The following NIPAL2 variants were observed in gnomAD, a reference collection of about 807,000 sequenced individuals.
NIPAL2 encodes the protein NIPA-like protein 2.
NIPAL2 carries 43 observed loss-of-function variants against 48.9 expected under a neutral mutation model. The observed-to-expected ratio is 0.88, with a 90% CI of 0.69 to 1.13. The LOEUF (loss-of-function observed/expected upper bound fraction) is 1.13, where lower values mean the gene tolerates loss of function less well. Ranked by LOEUF, NIPAL2 falls within the 50% of genes most tolerant of loss-of-function variation. NIPAL2 has a pLI of 0.00. For synonymous variants in NIPAL2, 167 were observed against 174.6 expected (o/e 0.96, Z 0.34); for missense variants, 446 against 461.4 (o/e 0.97, Z 0.31).
At chr8:98,244,090 T>C (rs1813138296) in intron 3 of NIPAL2, among the ~76,000 whole-genome samples, 1 of 151,884 alleles carries the variant, frequency 6.6e-6, no homozygotes, top group Admixed American at 6.5e-5. Flanking sequence ...TACTCAAATG[T>C]GATTATGGAT....
intron 4 of NIPAL2, 124 bp from the exon 5 acceptor site, chr8:98,222,724 C>T (rs933882436): frequency 6.7e-6 from 6 of 898,096 alleles, no homozygotes; most frequent in African/African-American, 3.4e-5. Context: ...TATTATACTC[C>T]GTTTCATCAA....
intron 4 of NIPAL2, among the ~76,000 whole-genome samples, chr8:98,233,340 A>ATGTG (rs59700892): frequency 0.082 from 12,309 of 149,752 alleles, 606 homozygotes; most frequent in Middle Eastern, 0.12. Context: ...TGTTTTCTTG[A>ATGTG]TGTGTGTGTG....
At position 98,222,560 on chromosome 8, in the gene NIPAL2, G is replaced by A; in HGVS notation, c.477C>T (p.Asn159=). 1 of 1,613,972 alleles carries A rather than the reference G, an allele frequency of 6.2e-7. No homozygotes were observed. The highest frequency in any genetic ancestry group is 8.5e-7 in the Non-Finnish European group (1 of 1,179,872). The change falls in exon 5 of 11, where the codon AAC becomes AAT. Residue 159 remains asparagine (N), a synonymous_variant. Transcript: ENST00000430223. The part of the protein sequence containing the change: ...LAFAGTYLLV[N]FAPNITQAIS... The stretch of plus-strand genomic sequence containing the variant: ...TTGCCTGAGTTATATTTGGAGCAAA[G>A]TTCACCAGTAAATATGTTCCTGCAA...
intron 5 of NIPAL2, chr8:98,217,132 G>T: frequency 1.0e-6 from 1 of 985,454 alleles, no homozygotes; most frequent in Non-Finnish European, 1.2e-6. Flanking sequence ...GGCTGTTTTA[G>T]TGAGTGCACT....
intron 5 of NIPAL2, 58 bp downstream of exon 5, chr8:98,222,421 T>C (rs1375088744): frequency 1.9e-6 from 3 of 1,546,404 alleles, no homozygotes; most frequent in South Asian, 2.4e-5. Context: ...AATATCTGCA[T>C]GGACCAGTGG....
At chr8:98,241,152 A>G (rs1443677035) in intron 3 of NIPAL2, among the ~76,000 whole-genome samples, 1 of 152,228 alleles carries the variant, frequency 6.6e-6, no homozygotes, top group Non-Finnish European at 1.5e-5. Context: ...TATAACTGAA[A>G]ACACCAAGAT....
At chr8:98,245,524 T>C (rs1319953516) in intron 3 of NIPAL2, among the ~76,000 whole-genome samples, 1 of 152,218 alleles carries the variant, frequency 6.6e-6, no homozygotes, top group Admixed American at 6.5e-5. Context: ...CAGAGACAAT[T>C]TGCATAATTT....
intron 3 of NIPAL2, among the ~76,000 whole-genome samples, chr8:98,243,900 T>C (rs181322400): frequency 6.6e-6 from 1 of 152,314 alleles, no homozygotes; most frequent in East Asian, 1.9e-4. Context: ...AAAATAATAA[T>C]TTTTTATTAA....
chr8:98,283,570 G>GTT (rs1373798408), intron 1 of NIPAL2, among the ~76,000 whole-genome samples: 1 of 152,130 alleles, frequency 6.6e-6, no homozygotes, highest in African/African-American at 2.4e-5. Context: ...TATTATAATA[G>GTT]TTTTAACAAC....
intron 1 of NIPAL2, among the ~76,000 whole-genome samples, chr8:98,268,113 T>G (rs1814885558): frequency 6.6e-6 from 1 of 152,214 alleles, no homozygotes; most frequent in South Asian, 2.1e-4. Context: ...TGGGCAGAGA[T>G]AATTGAATAC....
At position 98,270,020 on chromosome 8, in the gene NIPAL2, TC is replaced by T. The variant is rs544777831; in HGVS notation, c.136-15934del. 8.3e-4 allele frequency among the ~76,000 whole-genome samples: 127 copies of T among 152,258 alleles called. 1 individual carries two copies. In the South Asian group the frequency reaches 0.017, roughly 20 times the overall value. On this transcript the variant is annotated intron_variant, in intron 1 of 10. Coordinates refer to ENST00000430223, the MANE Select transcript of NIPAL2 (RefSeq NM_001321635.2). ...TCTGCTGCAAAGGACATGATTTCATTCTTTTTTTATGGCTGCATAATATTCT... is the reference window on the plus strand; with the variant it reads ...TCTGCTGCAAAGGACATGATTTCATTTTTTTTTATGGCTGCATAATATTCT...
chr8:98,260,426 G>C (rs974717225), intron 1 of NIPAL2, among the ~76,000 whole-genome samples: 1 of 152,194 alleles, frequency 6.6e-6, no homozygotes, highest in Non-Finnish European at 1.5e-5. Flanking sequence ...TGCGCGCACC[G>C]TGTGCGAGCC....
intron 1 of NIPAL2, among the ~76,000 whole-genome samples, chr8:98,278,082 C>T (rs1283205505): frequency 1.3e-5 from 2 of 152,160 alleles, no homozygotes; most frequent in African/African-American, 4.8e-5. Context: ...TAATTTTACT[C>T]AGCACTTTGA....
chr8:98,257,177 C>G (rs886128217), intron 1 of NIPAL2, among the ~76,000 whole-genome samples: 11 of 152,080 alleles, frequency 7.2e-5, no homozygotes, highest in African/African-American at 2.7e-4. Context: ...AATTAGGGCA[C>G]AGCTGACCAG....
At chr8:98,229,349 A>G (rs1323586095) in intron 4 of NIPAL2, among the ~76,000 whole-genome samples, 1 of 152,194 alleles carries the variant, frequency 6.6e-6, no homozygotes, top group Non-Finnish European at 1.5e-5. Flanking sequence ...TTATACTGGG[A>G]GAGCATATGC....
chr8:98,247,301 G>C (rs140038331), intron 3 of NIPAL2, among the ~76,000 whole-genome samples: 1 of 152,104 alleles, frequency 6.6e-6, no homozygotes, highest in South Asian at 2.1e-4. Context: ...TGATTTCCCC[G>C]TGCTGTGCTC....
At chr8:98,288,162 G>A (rs1193071242) in intron 1 of NIPAL2, among the ~76,000 whole-genome samples, 2 of 151,338 alleles carry the variant, frequency 1.3e-5, no homozygotes. Context: ...CTAGCATTAG[G>A]TATATCTCCC....
At chr8:98,216,852 C>T (rs993638961) in intron 5 of NIPAL2, among the ~76,000 whole-genome samples, 6 of 152,160 alleles carry the variant, frequency 3.9e-5, no homozygotes, top group African/African-American at 7.2e-5. Flanking sequence ...TTGCAGAACA[C>T]GTTTGCTCAT....
At chr8:98,268,033 A>G (rs910487925) in intron 1 of NIPAL2, among the ~76,000 whole-genome samples, 2 of 152,234 alleles carry the variant, frequency 1.3e-5, no homozygotes, top group African/African-American at 4.8e-5. Context: ...ACAATAATTA[A>G]CAGAGGTAGA....
Sources: allele counts gnomAD v4.1 joint callset (sites outside exome capture counted in the v4.1 genomes callset), GRCh38; gene constraint gnomAD v4.1.1; transcripts MANE v1.5; gene names NCBI Gene and HGNC (gene_info 2026-07-23, HGNC 2026-07-21).